Variants in MROH2A observed in about 807,000 individuals in gnomAD.
MROH2A encodes the protein maestro heat like repeat family member 2A, also known as maestro heat-like repeat-containing protein family member 2A.
MROH2A carries 174 observed loss-of-function variants against 200.4 expected under a neutral mutation model. The ratio of observed to expected loss-of-function variants is 0.87; its 90% CI spans 0.77 to 0.98. The LOEUF is 0.98. Among genes scored for constraint, MROH2A ranks in the 50% least tolerant of loss-of-function variants. The probability of loss-of-function intolerance (pLI) is 0.00; values close to 1 mark genes in which losing one functional copy is unlikely to be tolerated. For missense variants in MROH2A, 2,045 were observed against 2,139.6 expected (o/e 0.96, Z 0.87); for synonymous variants, 829 against 840.4 (o/e 0.99, Z 0.23).
intron 27 of MROH2A, among the ~76,000 whole-genome samples, chr2:233,817,716 G>T (rs1378479899): frequency 6.6e-6 from 1 of 152,216 alleles, no homozygotes; most frequent in Non-Finnish European, 1.5e-5. Flanking sequence ...GTTCGTTACA[G>T]GAACAACTGG....
At chr2:233,803,316 A>G in intron 15 of MROH2A, 132 bp from the exon 16 acceptor site, 1 of 895,568 alleles carries the variant, frequency 1.1e-6, no homozygotes, top group Non-Finnish European at 1.7e-6. Flanking sequence ...CCCATTCTCC[A>G]TTCTGGGGGT....
Position 233,818,678 on chromosome 2 carries a change from C to T in MROH2A, c.3112C>T (p.Pro1038Ser), listed in dbSNP as rs1410530011. 15 of 1,549,758 alleles carry T rather than the reference C, an allele frequency of 9.7e-6. No individual in the cohort carries two copies. The highest frequency in any genetic ancestry group is 1.3e-5 in the Non-Finnish European group (15 of 1,146,378). ...AAGCCAGACCTGCTCCTTGTGGGGCCCTTCCAAGCAGAAGGAGCTTGAGAA... is the reference window on the plus strand; with the variant it reads ...AAGCCAGACCTGCTCCTTGTGGGGCTCTTCCAAGCAGAAGGAGCTTGAGAA... ...HASQTCSLWG[P>S]SKQKELEKCK... Residue 1038 changes from proline (P) to serine (S), a missense_variant, in exon 29 of 42, where the codon CCT (proline) becomes TCT (serine). Around this residue, in one of 3 missense-constraint regions of MROH2A, gnomAD observed 1,201 missense variants for 1,311.3 expected, o/e 0.92. Transcript: ENST00000389758.
At chr2:233,822,755 C>A (rs1704032103) in intron 33 of MROH2A, 126 bp from the exon 34 acceptor site, 2 of 1,288,692 alleles carry the variant, frequency 1.6e-6, no homozygotes, top group Non-Finnish European at 2.1e-6. Flanking sequence ...CCTCCCTGGA[C>A]CTTTCCCTCA....
intron 4 of MROH2A, 93 bp downstream of exon 4, chr2:233,789,721 G>A: frequency 6.9e-7 from 1 of 1,451,512 alleles, no homozygotes; most frequent in Non-Finnish European, 9.1e-7. Flanking sequence ...GCCCTGTGCA[G>A]TTACCTCTCA....
chr2:233,787,578 CATATATACATATATATATTATATATTAT>C lies in MROH2A; in HGVS notation c.277-1912_277-1885del, dbSNP rs1559435428. 8.4e-3 allele frequency among the ~76,000 whole-genome samples: 387 copies of C among 46,166 alleles called. 28 individuals are homozygous for C. The highest frequency in any genetic ancestry group is 0.013 in the South Asian group (13 of 1,030). 30.3% of individuals were successfully genotyped at this position (46,166 alleles called of 152,430 possible). A position where few individuals can be genotyped will look rare whatever the true frequency, so the allele number is the denominator to read the frequency against. On this transcript the variant is annotated intron_variant, in intron 3 of 41. Transcript: ENST00000389758. The stretch of plus-strand genomic sequence containing the variant: ...ATATATACATATATATTATATATAT[CATATATACATATATATATTATATATTAT>C]ATATATCATATATACATATATATTA...
intron 5 of MROH2A, among the ~76,000 whole-genome samples, chr2:233,790,546 C>G: frequency 2.3e-5 from 1 of 43,360 alleles, no homozygotes; most frequent in South Asian, 1.3e-3. Flanking sequence ...CCCTCCCTCC[C>G]CCTTTCTTTT....
Position 233,783,461 on chromosome 2 carries a change from C to T in MROH2A, c.276+3609C>T, listed in dbSNP as rs985999694. Among the ~76,000 whole-genome samples the T allele has an allele frequency of 9.9e-5, 15 of 152,122 alleles. No homozygotes were observed. The East Asian group carries it at 2.9e-3, about 29-fold the overall frequency. On this transcript the variant is annotated intron_variant, in intron 3 of 41. Coordinates refer to ENST00000389758, the MANE Select transcript of MROH2A (RefSeq NM_001394639.1). ...TCAATCTTGGTAGTCTGTATATGTC[C>T]AAGAATTTATCTGTTTCCTATAGGT...
chr2:233,819,165 C>T (rs1434987727), intron 29 of MROH2A, among the ~76,000 whole-genome samples, 152 bp from the exon 30 acceptor site: 2 of 152,114 alleles, frequency 1.3e-5, no homozygotes, highest in African/African-American at 4.8e-5. Flanking sequence ...GAGACCAGCC[C>T]CTTCTGGCTC....
At chr2:233,829,480 C>T (rs891587487) in intron 37 of MROH2A, 140 bp from the exon 38 acceptor site, 8 of 831,656 alleles carry the variant, frequency 9.6e-6, no homozygotes, top group Non-Finnish European at 1.3e-5. Context: ...TGATCCCTGC[C>T]AAAGGAGAGA....
Position 233,779,822 on chromosome 2 carries a change from C to G in MROH2A, c.246C>G (p.Asn82Lys). The G allele has an allele frequency of 6.4e-7, 1 of 1,550,472 alleles. No homozygotes were observed. The highest frequency in any genetic ancestry group is 8.7e-7 in the Non-Finnish European group (1 of 1,146,976). Reference protein sequence around the residue: ...KATTEPSVVINTLIRCLQVPE... With the variant: ...KATTEPSVVIKTLIRCLQVPE... Reference sequence around the variant, plus strand: ...CCACTGAGCCTTCTGTAGTGATAAACACTCTCATCCGCTGCCTGCAGGTGC... The same window carrying G: ...CCACTGAGCCTTCTGTAGTGATAAAGACTCTCATCCGCTGCCTGCAGGTGC... Residue 82 changes from asparagine to lysine, a missense_variant, in exon 3 of 42, where the codon AAC (asparagine) becomes AAG (lysine). Asn to Lys is a moderately conservative substitution (Grantham distance 94). Around this residue, in one of 3 missense-constraint regions of MROH2A, gnomAD observed 831 missense variants for 800.0 expected, o/e 1.04. Coordinates refer to ENST00000389758, the MANE Select transcript of MROH2A (RefSeq NM_001394639.1).
intron 5 of MROH2A, 80 bp downstream of exon 5, chr2:233,790,094 A>C: frequency 7.9e-7 from 1 of 1,271,852 alleles, no homozygotes; most frequent in Non-Finnish European, 1.1e-6. Context: ...ATCTATCCCT[A>C]TGTTCACCTC....
At chr2:233,818,183 C>T in intron 28 of MROH2A, 58 bp downstream of exon 28, 1 of 1,539,596 alleles carries the variant, frequency 6.5e-7, no homozygotes, top group African/African-American at 1.4e-5. Flanking sequence ...GGGCTGACTC[C>T]AGGAGTATGG....
At chr2:233,819,146 G>A (rs770366158) in intron 29 of MROH2A, among the ~76,000 whole-genome samples, 171 bp from the exon 30 acceptor site, 3 of 152,220 alleles carry the variant, frequency 2.0e-5, no homozygotes, top group Non-Finnish European at 4.4e-5. Context: ...CAGGGGCTGG[G>A]GACTTCAGGA....
chr2:233,786,380 C>T (rs534769848), intron 3 of MROH2A, among the ~76,000 whole-genome samples: 172 of 152,224 alleles, frequency 1.1e-3, no homozygotes, highest in Non-Finnish European at 1.8e-3. Flanking sequence ...TGTGTCCTCA[C>T]GTGGCTCTCC....
chr2:233,809,071 C>T (rs1052176243), intron 21 of MROH2A, 55 bp from the exon 22 acceptor site: 1 of 1,513,534 alleles, frequency 6.6e-7, no homozygotes, highest in Non-Finnish European at 8.9e-7. Flanking sequence ...CCATCACCTG[C>T]ATCTGGAGCA....
At chr2:233,821,264 C>T (rs913558845) in intron 31 of MROH2A, among the ~76,000 whole-genome samples, 3 of 152,126 alleles carry the variant, frequency 2.0e-5, no homozygotes, top group Non-Finnish European at 2.9e-5. Flanking sequence ...TGTCATTGTT[C>T]GTAGTTGCTT....
intron 33 of MROH2A, 65 bp from the exon 34 acceptor site, chr2:233,822,816 A>G: frequency 6.5e-6 from 10 of 1,529,822 alleles, no homozygotes; most frequent in Non-Finnish European, 7.9e-6. Flanking sequence ...CACAGATTGC[A>G]GCAGCCTCCC....
At chr2:233,792,774 A>T (rs1701866383) in intron 5 of MROH2A, 22 bp from the exon 6 acceptor site, 1 of 1,468,464 alleles carries the variant, frequency 6.8e-7, no homozygotes, top group East Asian at 2.5e-5. Flanking sequence ...ACTTCCTGTA[A>T]TCATCCCTCA....
rs1371020132 is a variant in MROH2A at position 233,805,721 on chromosome 2, G to C, written c.2052+610G>C. 9.2e-5 allele frequency among the ~76,000 whole-genome samples: 14 copies of C among 152,170 alleles called. 1 individual carries two copies. On this transcript the variant is annotated intron_variant, in intron 19 of 41. Transcript: ENST00000389758. ...CAAGACAGTGAGATACTGGCATAAGGATAGATTGATAAAATAGAAGTGAGA... is the reference window on the plus strand; with the variant it reads ...CAAGACAGTGAGATACTGGCATAAGCATAGATTGATAAAATAGAAGTGAGA...
Sources: gnomAD v4.1 joint callset for allele counts (sites outside exome capture counted in the v4.1 genomes callset) on GRCh38, gnomAD v4.1.1 for gene constraint, gnomAD v4.1.1 regional missense constraint, MANE v1.5 for transcripts, NCBI Gene and HGNC (gene_info 2026-07-23, HGNC 2026-07-21) for gene names.